The following ZDHHC15 variants were observed in gnomAD, a reference collection of about 807,000 sequenced individuals.
The protein encoded by ZDHHC15 is zDHHC palmitoyltransferase 15, also known as palmitoyltransferase ZDHHC15.
Under a neutral mutation model 31.7 loss-of-function variants are expected in ZDHHC15, and 19 were observed. The ratio of observed to expected loss-of-function variants is 0.60; its 90% CI spans 0.42 to 0.88. The LOEUF is 0.88. ZDHHC15 is among the 40% of genes least tolerant of loss of function. The probability of loss-of-function intolerance (pLI) is 0.00; values close to 1 mark genes in which losing one functional copy is unlikely to be tolerated. For synonymous variants in ZDHHC15, 103 were observed against 90.0 expected (o/e 1.14, Z -0.82); for missense variants, 209 against 251.2 (o/e 0.83, Z 1.14).
intron 4 of ZDHHC15, among the ~76,000 whole-genome samples, chrX:75,433,638 T>C (rs781272709): frequency 9.2e-6 from 1 of 109,270 alleles, no homozygotes; most frequent in East Asian, 2.9e-4. Context: ...AAGTAGTGTA[T>C]ATTTTTTATG....
In ZDHHC15 at chrX:75,383,734, G is replaced by GTTTTTTTTTTTTTTTT. The variant is rs541238663; in HGVS notation, c.968-4537_968-4536insAAAAAAAAAAAAAAAA. On this transcript the variant is annotated intron_variant, in intron 10 of 11. Transcript: ENST00000373367. Reference sequence around the variant, plus strand: ...ACTACCCCAAATTTAAGAAATGTTAGGTTTTTTTTTTTTTTTTTTTTTGAG... The same window carrying GTTTTTTTTTTTTTTTT: ...ACTACCCCAAATTTAAGAAATGTTAGTTTTTTTTTTTTTTTTGTTTTTTTTTTTTTTTTTTTTTGAG... 2.6e-5 allele frequency among the ~76,000 whole-genome samples: 2 copies of GTTTTTTTTTTTTTTTT among 77,793 alleles called. 1 individual carries two copies. The allele number at this position is 77,793 out of a possible 115,157, so 67.6% of individuals were successfully genotyped here.
intron 3 of ZDHHC15, 81 bp downstream of exon 3, chrX:75,478,810 C>T: frequency 5.5e-6 from 4 of 733,322 alleles, no homozygotes; most frequent in Non-Finnish European, 8.1e-6. Flanking sequence ...TTATTTACTC[C>T]TCTTTTTGTC....
intron 4 of ZDHHC15, among the ~76,000 whole-genome samples, chrX:75,449,920 C>T (rs769370172): frequency 1.8e-4 from 20 of 111,271 alleles, no homozygotes; most frequent in Non-Finnish European, 3.8e-4. Context: ...CAGATGAAAC[C>T]TAAGAGTAAA....
At chrX:75,401,001 G>C (rs1435117099) in intron 10 of ZDHHC15, among the ~76,000 whole-genome samples, 1 of 110,839 alleles carries the variant, frequency 9.0e-6, no homozygotes, top group African/African-American at 3.3e-5. Context: ...AGAAAGGAAA[G>C]ACTGCTACCA....
intron 10 of ZDHHC15, among the ~76,000 whole-genome samples, chrX:75,399,274 C>T (rs928010310): frequency 1.6e-4 from 18 of 111,748 alleles, no homozygotes; most frequent in African/African-American, 5.5e-4. Flanking sequence ...CCTCCAGGGG[C>T]AACTGAAAGC....
At chrX:75,509,738 A>G (rs2085231192) in intron 1 of ZDHHC15, among the ~76,000 whole-genome samples, 1 of 112,785 alleles carries the variant, frequency 8.9e-6, no homozygotes, top group African/African-American at 3.2e-5. Flanking sequence ...AGGATTAAGT[A>G]ATAACATATG....
chrX:75,522,698 G>T (rs976820015), intron 1 of ZDHHC15, among the ~76,000 whole-genome samples, 191 bp downstream of exon 1: 1 of 110,172 alleles, frequency 9.1e-6, no homozygotes, highest in Non-Finnish European at 1.9e-5. Flanking sequence ...ATGGAGACAC[G>T]GCGGGACCCT....
intron 3 of ZDHHC15, among the ~76,000 whole-genome samples, chrX:75,458,120 G>T (rs2084253776): frequency 8.9e-6 from 1 of 112,094 alleles, no homozygotes; most frequent in Non-Finnish European, 1.9e-5. Context: ...TGTGATAAAA[G>T]GGAATAACTA....
chrX:75,450,438 G>T (rs1389300590), intron 4 of ZDHHC15, among the ~76,000 whole-genome samples: 2 of 111,544 alleles, frequency 1.8e-5, no homozygotes, highest in African/African-American at 6.5e-5. Context: ...TAACAAAACA[G>T]AATAAAATAT....
chrX:75,396,940 A>G (rs1227220204), intron 10 of ZDHHC15, among the ~76,000 whole-genome samples: 1 of 111,618 alleles, frequency 9.0e-6, no homozygotes, highest in South Asian at 3.8e-4. Context: ...AAAAATTAAA[A>G]CAATTTAATT....
chrX:75,452,651 T>G (rs1412127588), intron 3 of ZDHHC15, among the ~76,000 whole-genome samples: 1 of 111,161 alleles, frequency 9.0e-6, no homozygotes, highest in African/African-American at 3.3e-5. Context: ...AAAGCACTCC[T>G]CAAATGTAAA....
intron 2 of ZDHHC15, among the ~76,000 whole-genome samples, chrX:75,480,708 A>G (rs970970747): frequency 9.0e-6 from 1 of 111,262 alleles, no homozygotes. Flanking sequence ...TTCACTTACT[A>G]TAAGTTACCA....
At chrX:75,493,071 A>G (rs2084927011) in intron 2 of ZDHHC15, among the ~76,000 whole-genome samples, 1 of 112,113 alleles carries the variant, frequency 8.9e-6, no homozygotes, top group Non-Finnish European at 1.9e-5. Flanking sequence ...GCAGAATCAA[A>G]TAGATACAAT....
intron 4 of ZDHHC15, among the ~76,000 whole-genome samples, chrX:75,433,697 G>GTATA (rs779122973): frequency 1.4e-3 from 9 of 6,628 alleles, no homozygotes; most frequent in African/African-American, 1.6e-3. Context: ...GTGTGTGTGT[G>GTATA]TATATATATA....
chrX:75,380,649 A>G (rs1299657073), intron 10 of ZDHHC15, among the ~76,000 whole-genome samples: 2 of 111,240 alleles, frequency 1.8e-5, no homozygotes, highest in Non-Finnish European at 3.8e-5. Context: ...GACTAAATTA[A>G]AAAAGGAAGA....
chrX:75,375,921 T>C (rs2083054603), intron 11 of ZDHHC15, among the ~76,000 whole-genome samples: 1 of 111,989 alleles, frequency 8.9e-6, no homozygotes, highest in Non-Finnish European at 1.9e-5. Flanking sequence ...TGGGTATATA[T>C]ACCCAGTAAT....
intron 4 of ZDHHC15, among the ~76,000 whole-genome samples, chrX:75,438,454 C>T: frequency 4.0e-5 from 1 of 24,695 alleles, no homozygotes; most frequent in East Asian, 7.0e-3. Context: ...GCTTTAAAGT[C>T]TGTTTTTTTT....
chrX:75,494,000 T>C (rs1457918062), intron 2 of ZDHHC15, among the ~76,000 whole-genome samples: 1 of 111,535 alleles, frequency 9.0e-6, no homozygotes, highest in Non-Finnish European at 1.9e-5. Context: ...ATTGTCCCTG[T>C]TTGCAGATGA....
intron 2 of ZDHHC15, among the ~76,000 whole-genome samples, chrX:75,491,719 T>C (rs1453249147): frequency 9.0e-6 from 1 of 110,903 alleles, no homozygotes; most frequent in East Asian, 2.8e-4. Context: ...AGAAATAAAA[T>C]CCTTTACAGA....
Sources: gnomAD v4.1 joint callset for allele counts (sites outside exome capture counted in the v4.1 genomes callset) on GRCh38, gnomAD v4.1.1 for gene constraint, MANE v1.5 for transcripts, NCBI Gene and HGNC (gene_info 2026-07-23, HGNC 2026-07-21) for gene names.